The following GTF2A1 variants were observed in gnomAD, a reference collection of about 807,000 sequenced individuals.
GTF2A1 encodes the protein transcription initiation factor IIA subunit 1.
Under a neutral mutation model 54.1 loss-of-function variants are expected in GTF2A1, and 12 were observed. The ratio of observed to expected loss-of-function variants is 0.22; its 90% CI spans 0.14 to 0.36. GTF2A1 has a LOEUF of 0.36. Ranked by LOEUF, GTF2A1 falls within the 10% of genes least tolerant of loss-of-function variation. The probability of loss-of-function intolerance (pLI) is 1.00; values close to 1 mark genes in which losing one functional copy is unlikely to be tolerated. For missense variants in GTF2A1, 335 were observed against 442.2 expected (o/e 0.76, Z 2.17); for synonymous variants, 145 against 152.0 (o/e 0.95, Z 0.34).
At chr14:81,220,364 G>T in intron 1 of GTF2A1, 125 bp downstream of exon 1, 2 of 422,668 alleles carry the variant, frequency 4.7e-6, no homozygotes, top group Non-Finnish European at 7.5e-6. Context: ...AAGCGGCGGC[G>T]GCGGCGGCCG....
intron 4 of GTF2A1, among the ~76,000 whole-genome samples, chr14:81,201,002 A>G (rs912903817): frequency 1.3e-5 from 2 of 152,004 alleles, no homozygotes; most frequent in Non-Finnish European, 2.9e-5. Context: ...GAGAAATATT[A>G]TATGTCTGAA....
At chr14:81,203,849 A>T (rs1219072002) in intron 3 of GTF2A1, 51 bp downstream of exon 3, 6 of 1,440,420 alleles carry the variant, frequency 4.2e-6, no homozygotes, top group Non-Finnish European at 9.8e-7. Context: ...TTCTTTCATA[A>T]TGACAAACTT....
At chr14:81,185,406 A>T (rs1054828515) in intron 8 of GTF2A1, 125 bp downstream of exon 8, 120 of 558,440 alleles carry the variant, frequency 2.1e-4, no homozygotes, top group Non-Finnish European at 2.6e-5. Flanking sequence ...GGGTTTTCGT[A>T]CTATTCATAA....
At chr14:81,185,218 G>A (rs114629340) in intron 8 of GTF2A1, among the ~76,000 whole-genome samples, 1,534 of 152,266 alleles carry the variant, frequency 0.01, 30 homozygotes, top group African/African-American at 0.035. Context: ...CATTGAGTTA[G>A]CTATTACCAC....
In GTF2A1 at chr14:81,175,471, A is replaced by G. The variant is rs1279457591; in HGVS notation, c.*4752T>C. 3.9e-5 allele frequency: 6 copies of G among 152,136 alleles called. No individual in the cohort carries two copies. The highest frequency in any genetic ancestry group is 7.2e-5 in the African/African-American group (3 of 41,428). The allele number at this position is 152,136 out of a possible 1,614,324, so 9.4% of individuals were successfully genotyped here. On this transcript the variant is annotated 3_prime_UTR_variant, in exon 9 of 9. Transcript: ENST00000553612. Reference sequence around the variant, plus strand: ...ACAAGATTTGCTGGCAATAAATAAGATATCTTTATTATGATTATGTTAATA... The same window carrying G: ...ACAAGATTTGCTGGCAATAAATAAGGTATCTTTATTATGATTATGTTAATA...
chr14:81,209,873 A>G, intron 2 of GTF2A1: 1 of 1,248,962 alleles, frequency 8.0e-7, no homozygotes, highest in Non-Finnish European at 1.1e-6. Context: ...TACTTACCAC[A>G]CAAAGTCTAC....
rs1260058499 is a variant in GTF2A1, at chr14:81,180,269, C to T, written c.1085G>A (p.Gly362Glu). ...GGCTTTGGAAAATATATAATCTCTT[C>T]CATTAAGATTCATAATGCCATCCTT... ...HLKDGIMNLN[G>E]RDYIFSKAIG... Residue 362 changes from glycine (G) to glutamate (E), a missense_variant, in exon 9 of 9, where the codon GGA becomes GAA. By Grantham distance (98) the Gly-to-Glu change is moderately conservative (BLOSUM62 -2). Coordinates refer to ENST00000553612, the MANE Select transcript of GTF2A1 (RefSeq NM_015859.4). 1.3e-6 allele frequency: 2 copies of T among 1,509,852 alleles called. No homozygotes were observed. The highest frequency in any genetic ancestry group is 2.8e-5 in the African/African-American group (2 of 72,504). The allele number at this position is 1,509,852 out of a possible 1,614,324, so 93.5% of individuals were successfully genotyped here.
intron 1 of GTF2A1, among the ~76,000 whole-genome samples, chr14:81,220,136 T>C (rs1381081114): frequency 4.6e-5 from 7 of 151,220 alleles, no homozygotes; most frequent in Admixed American, 4.6e-4. Flanking sequence ...GACGGGCCCC[T>C]CGGGGGGAAG....
At chr14:81,181,837 C>T (rs1892645506) in intron 8 of GTF2A1, among the ~76,000 whole-genome samples, 1 of 152,148 alleles carries the variant, frequency 6.6e-6, no homozygotes, top group Non-Finnish European at 1.5e-5. Context: ...CCACTGCACC[C>T]GGCCAGGTAC....
At chr14:81,208,821 T>C (rs1893299457) in intron 2 of GTF2A1, among the ~76,000 whole-genome samples, 1 of 152,218 alleles carries the variant, frequency 6.6e-6, no homozygotes, top group African/African-American at 2.4e-5. Context: ...CCACTGGATT[T>C]CGGACTTATA....
At chr14:81,207,973 A>G (rs577490492) in intron 2 of GTF2A1, among the ~76,000 whole-genome samples, 1 of 152,272 alleles carries the variant, frequency 6.6e-6, no homozygotes, top group South Asian at 2.1e-4. Context: ...ATAGAAGTTC[A>G]GAAAATTTGC....
At chr14:81,206,267 C>T (rs893428472) in intron 2 of GTF2A1, among the ~76,000 whole-genome samples, 5 of 152,158 alleles carry the variant, frequency 3.3e-5, no homozygotes, top group Admixed American at 6.5e-5. Flanking sequence ...GAATCTACCC[C>T]AACAGCCCAC....
intron 8 of GTF2A1, among the ~76,000 whole-genome samples, chr14:81,183,105 T>G (rs1057499732): frequency 5.3e-5 from 8 of 152,212 alleles, no homozygotes. Flanking sequence ...TGTTTTAGCA[T>G]CTATCTCCCC....
chr14:81,185,571 AG>A lies in GTF2A1; in HGVS notation c.982del (p.Leu328SerfsTer31). On this transcript the variant is annotated frameshift_variant, in exon 8 of 9. Coordinates refer to ENST00000553612, the MANE Select transcript of GTF2A1 (RefSeq NM_015859.4). LOFTEE classifies it high-confidence loss of function. ...TACAACAACATTTTCTGTGTCAAAGAGTTCCTGTCCTTCCTCATCACTCACA... is the reference window on the plus strand; with the variant it reads ...TACAACAACATTTTCTGTGTCAAAGATTCCTGTCCTTCCTCATCACTCACA... The part of the protein sequence containing the change: ...DDVSDEEGQE[L>X]FDTENVVVCQ... 6.2e-7 allele frequency: 1 copy of A among 1,600,386 alleles called. No individual in the cohort carries two copies. The highest frequency in any genetic ancestry group is 8.6e-7 in the Non-Finnish European group (1 of 1,167,806).
At chr14:81,212,764 T>A (rs1319732216) in intron 2 of GTF2A1, among the ~76,000 whole-genome samples, 1 of 152,252 alleles carries the variant, frequency 6.6e-6, no homozygotes, top group Non-Finnish European at 1.5e-5. Context: ...CCATATGTAG[T>A]GATTTAAGTT....
At chr14:81,203,857 C>T in intron 3 of GTF2A1, 43 bp downstream of exon 3, 2 of 1,490,600 alleles carry the variant, frequency 1.3e-6, no homozygotes, top group Non-Finnish European at 1.9e-6. Flanking sequence ...TAATGACAAA[C>T]TTAATTTCCA....
Position 81,180,177 on chromosome 14 carries a change from A to C in GTF2A1, c.*46T>G. ...CCAAGTTTCAAACTGTCCGCTTTACATTTTTTTTAAGTTTCTTTTATTTAT... is the reference window on the plus strand; with the variant it reads ...CCAAGTTTCAAACTGTCCGCTTTACCTTTTTTTTAAGTTTCTTTTATTTAT... On this transcript the variant is annotated 3_prime_UTR_variant, in exon 9 of 9. Transcript: ENST00000553612. 2.4e-6 allele frequency: 2 copies of C among 827,388 alleles called. No individual in the cohort carries two copies. The highest frequency in any genetic ancestry group is 5.1e-5 in the East Asian group (2 of 39,250). 51.3% of individuals were successfully genotyped at this position (827,388 alleles called of 1,614,324 possible).
intron 7 of GTF2A1, among the ~76,000 whole-genome samples, chr14:81,187,246 T>C (rs1004728092): frequency 2.0e-5 from 3 of 151,544 alleles, no homozygotes; most frequent in Admixed American, 6.6e-5. Context: ...TCCCAGCTAC[T>C]CGGGAGGCTG....
intron 7 of GTF2A1, among the ~76,000 whole-genome samples, chr14:81,191,666 G>A (rs1892879443): frequency 6.6e-6 from 1 of 152,132 alleles, no homozygotes; most frequent in Non-Finnish European, 1.5e-5. Context: ...ACAAATGTAT[G>A]AGCAAAGGTA....
Sources: gnomAD v4.1 joint callset for allele counts (sites outside exome capture counted in the v4.1 genomes callset) on GRCh38, gnomAD v4.1.1 for gene constraint, MANE v1.5 for transcripts, NCBI Gene and HGNC (gene_info 2026-07-23, HGNC 2026-07-21) for gene names.